The following CAPG variants were observed in gnomAD, a reference collection of about 807,000 sequenced individuals.
The protein encoded by CAPG is capping actin protein, gelsolin like.
In CAPG, 32 loss-of-function variants were observed where a neutral mutation model predicts 44.6. That is an observed-to-expected ratio of 0.72 (90% CI 0.54 to 0.96). The LOEUF (loss-of-function observed/expected upper bound fraction) is 0.96. CAPG is among the 50% of genes least tolerant of loss of function. The probability of loss-of-function intolerance (pLI) is 0.00; values close to 1 mark genes in which losing one functional copy is unlikely to be tolerated. For synonymous variants in CAPG, 175 were observed against 179.6 expected (o/e 0.97, Z 0.20); for missense variants, 412 against 438.3 (o/e 0.94, Z 0.54).
rs574712303 is a variant in CAPG at position 85,402,065 on chromosome 2, G to C, written c.23+58C>G. 85 of 1,608,170 alleles carry C rather than the reference G, an allele frequency of 5.3e-5. No homozygotes were observed. In the East Asian group the frequency reaches 1.5e-3, roughly 29 times the overall value. On this transcript the variant is annotated intron_variant, in intron 2 of 9. Coordinates refer to ENST00000263867, the MANE Select transcript of CAPG (RefSeq NM_001747.4). ...GGGATGAGGAGAGCAGTGGGGAGGGGCAGCCCTTGGAGGTAAAGAAGGGGA... is the reference window on the plus strand; with the variant it reads ...GGGATGAGGAGAGCAGTGGGGAGGGCCAGCCCTTGGAGGTAAAGAAGGGGA...
chr2:85,399,308 G>C (rs373075769), intron 5 of CAPG, 23 bp from the exon 6 acceptor site: 1 of 1,612,042 alleles, frequency 6.2e-7, no homozygotes, highest in Non-Finnish European at 8.5e-7. Context: ...AGGAAAGTCC[G>C]GGTCAGAGCC....
chr2:85,393,005 G>A (rs528802109), downstream of CAPG, among the ~76,000 whole-genome samples: 50 of 152,210 alleles, frequency 3.3e-4, no homozygotes, highest in Non-Finnish European at 5.9e-4. Flanking sequence ...TGGTTGTGAG[G>A]GGTACCTGAA....
intron 1 of CAPG, among the ~76,000 whole-genome samples, chr2:85,405,105 C>T (rs1017432874): frequency 6.6e-6 from 1 of 152,084 alleles, no homozygotes; most frequent in African/African-American, 2.4e-5. Context: ...AGAAATTTCA[C>T]CCACTCCCAG....
At chr2:85,416,469 T>C (rs1394936879) in intron 1 of CAPG, among the ~76,000 whole-genome samples, 1 of 152,138 alleles carries the variant, frequency 6.6e-6, no homozygotes, top group Non-Finnish European at 1.5e-5. Context: ...CAGGGATCTT[T>C]TGCAATGCTC....
intron 1 of CAPG, among the ~76,000 whole-genome samples, chr2:85,415,902 A>G (rs1687540630): frequency 6.6e-6 from 1 of 151,810 alleles, no homozygotes; most frequent in Admixed American, 6.6e-5. Flanking sequence ...TAGGCTCTGG[A>G]GTGCAGTGGC....
upstream of CAPG, among the ~76,000 whole-genome samples, chr2:85,412,205 G>C (rs1268461834): frequency 6.6e-6 from 1 of 152,112 alleles, no homozygotes. Context: ...TGGCCAAACT[G>C]CCAGGCTTAA....
chr2:85,397,757 C>T (rs1041905720), intron 8 of CAPG, among the ~76,000 whole-genome samples: 8 of 146,840 alleles, frequency 5.4e-5, no homozygotes, highest in Non-Finnish European at 1.2e-4. Context: ...CCATGGCTCA[C>T]GCCTGTAATC....
intron 7 of CAPG, 104 bp downstream of exon 7, chr2:85,398,586 C>T: frequency 2.1e-6 from 2 of 958,174 alleles, no homozygotes; most frequent in South Asian, 2.9e-5. Flanking sequence ...TCCAGCCCCA[C>T]CTTCCCCCTG....
chr2:85,392,117 G>A (rs1486411781), downstream of CAPG, among the ~76,000 whole-genome samples: 2 of 152,310 alleles, frequency 1.3e-5, no homozygotes, highest in African/African-American at 2.4e-5. Context: ...CAGACTGGGC[G>A]CAGTGGCTCA....
At chr2:85,399,343 C>T in intron 5 of CAPG, 58 bp from the exon 6 acceptor site, 1 of 1,576,822 alleles carries the variant, frequency 6.3e-7, no homozygotes, top group Non-Finnish European at 8.7e-7. Flanking sequence ...TGCTCCCCAG[C>T]TCAGAGAAGG....
intron 1 of CAPG, among the ~76,000 whole-genome samples, chr2:85,416,657 C>T (rs1293976335): frequency 6.6e-6 from 1 of 152,122 alleles, no homozygotes; most frequent in African/African-American, 2.4e-5. Context: ...GGACTACAGG[C>T]GCACGCCACT....
At chr2:85,405,841 C>T (rs1687120190) in intron 1 of CAPG, among the ~76,000 whole-genome samples, 1 of 152,202 alleles carries the variant, frequency 6.6e-6, no homozygotes, top group Non-Finnish European at 1.5e-5. Flanking sequence ...CAGCCTGTGA[C>T]TCAGGCCTGA....
At chr2:85,394,035 C>T (rs549143839), downstream of CAPG, among the ~76,000 whole-genome samples, 1 of 152,238 alleles carries the variant, frequency 6.6e-6, no homozygotes, top group Admixed American at 6.5e-5. Flanking sequence ...CCAGGCCTCA[C>T]GGCCTCTGGT....
chr2:85,403,610 T>C (rs1383103336), intron 1 of CAPG, among the ~76,000 whole-genome samples: 1 of 151,932 alleles, frequency 6.6e-6, no homozygotes, highest in African/African-American at 2.4e-5. Context: ...ACAATTTGGC[T>C]GGACACGGTG....
rs61304630 is a variant in CAPG, at chr2:85,396,374, T to C, written c.893-748A>G. Among the ~76,000 whole-genome samples the C allele has an allele frequency of 8.9e-3, 1,346 of 151,506 alleles. 26 individuals are homozygous for C. Among genetic ancestry groups the C allele is most frequent in the African/African-American group, 0.031 (1,280 of 41,256 alleles). ...CTAATTTTGGGGGGTTTTTTTTTTG[T>C]AGAGAAGTGATATTTCGCCATGTTG... is the stretch of plus-strand genomic sequence containing the variant. On this transcript the variant is annotated intron_variant, in intron 8 of 9. Transcript: ENST00000263867.
intron 8 of CAPG, among the ~76,000 whole-genome samples, chr2:85,397,141 T>G (rs760372373): frequency 2.0e-5 from 3 of 152,236 alleles, no homozygotes; most frequent in Non-Finnish European, 4.4e-5. Flanking sequence ...AATTCATTTC[T>G]GTCAAACCTT....
At chr2:85,404,210 G>A (rs1478788131) in intron 1 of CAPG, among the ~76,000 whole-genome samples, 1 of 149,072 alleles carries the variant, frequency 6.7e-6, no homozygotes, top group African/African-American at 2.5e-5. Flanking sequence ...CTCCTGCTAA[G>A]TATGTGCAAT....
intron 7 of CAPG, 85 bp from the exon 8 acceptor site, chr2:85,398,237 A>T: frequency 6.7e-7 from 1 of 1,481,650 alleles, no homozygotes; most frequent in South Asian, 1.3e-5. Flanking sequence ...GGTCCTCCCT[A>T]GGTCCCTCCC....
At chr2:85,394,256 C>A (rs919588247), downstream of CAPG, among the ~76,000 whole-genome samples, 1 of 152,258 alleles carries the variant, frequency 6.6e-6, no homozygotes, top group Non-Finnish European at 1.5e-5. Flanking sequence ...AAGAACCAGA[C>A]TGAAGACTGT....
Sources: allele counts gnomAD v4.1 joint callset (sites outside exome capture counted in the v4.1 genomes callset), GRCh38; gene constraint gnomAD v4.1.1; transcripts MANE v1.5; gene names NCBI Gene and HGNC (gene_info 2026-07-23, HGNC 2026-07-21).